The following ZFAT variants were observed in gnomAD, a reference collection of about 807,000 sequenced individuals.
The protein encoded by ZFAT is zinc finger protein ZFAT.
ZFAT carries 64 observed loss-of-function variants against 117.7 expected under a neutral mutation model. The ratio of observed to expected loss-of-function variants is 0.54; its 90% confidence interval spans 0.44 to 0.67. The LOEUF is 0.67. Among genes scored for constraint, ZFAT ranks in the 30% least tolerant of loss-of-function variants. ZFAT has a pLI of 0.00. For synonymous variants in ZFAT, 679 were observed against 615.0 expected, an observed-to-expected ratio of 1.10 and a Z score of -1.54; for missense variants, 1,433 against 1,584.5, an observed-to-expected ratio of 0.90 and a Z score of 1.62.
chr8:134,729,376 G>A, the ZFAT span, among the ~76,000 whole-genome samples: 6 of 152,226 alleles, frequency 3.9e-5, no homozygotes, highest in Non-Finnish European at 7.3e-5. Context: ...CTATCACCCA[G>A]GCTGGAGTGC....
intron 6 of ZFAT, 34 bp downstream of exon 6, chr8:134,601,443 G>A (rs1402531001): frequency 1.3e-6 from 2 of 1,568,868 alleles, no homozygotes; most frequent in Admixed American, 1.8e-5. Flanking sequence ...GATGGTTGTG[G>A]ACAGGGCCAC....
chr8:134,556,675 G>A (rs1042335704), intron 11 of ZFAT, among the ~76,000 whole-genome samples: 5 of 152,116 alleles, frequency 3.3e-5, no homozygotes, highest in Non-Finnish European at 7.4e-5. Context: ...TGTCCCCCTA[G>A]AAGTCTATGG....
chr8:134,600,165 T>C, intron 7 of ZFAT: 1 of 504,086 alleles, frequency 2.0e-6, no homozygotes, highest in Non-Finnish European at 3.5e-6. Context: ...TTCTACTCTA[T>C]AGATATCTCT....
Position 134,565,339 on chromosome 8 carries a change from G to A in ZFAT, c.2970C>T (p.Ser990=). The stretch of plus-strand genomic sequence containing the variant: ...TTCTCCAGAGCCCTCTTACCTTGAA[G>A]GAGACATGCTGTTCCATGTGCCGCA... The part of the protein sequence containing the change: ...QLLRHMEQHV[S]FKPFRCAHCH... The change falls in exon 11 of 16, where the codon TCC becomes TCT. Residue 990 remains serine (S), a synonymous_variant. Coordinates refer to ENST00000377838, the MANE Select transcript of ZFAT (RefSeq NM_020863.4). The A allele has an allele frequency of 6.2e-7, 1 of 1,613,638 alleles. No individual in the cohort carries two copies. The highest frequency in any genetic ancestry group is 1.1e-5 in the South Asian group (1 of 90,976).
intron 15 of ZFAT, among the ~76,000 whole-genome samples, chr8:134,504,715 G>T (rs773943025): frequency 1.3e-5 from 2 of 152,182 alleles, no homozygotes; most frequent in Non-Finnish European, 2.9e-5. Flanking sequence ...AAACTGCTTG[G>T]ACTCCAAGTG....
chr8:134,684,731 C>T (rs938821987), intron 1 of ZFAT, among the ~76,000 whole-genome samples: 1 of 152,160 alleles, frequency 6.6e-6, no homozygotes, highest in African/African-American at 2.4e-5. Flanking sequence ...ATTTAGATTA[C>T]GTGGGGAAAA....
At chr8:134,578,987 C>T (rs980570705) in intron 10 of ZFAT, among the ~76,000 whole-genome samples, 6 of 152,042 alleles carry the variant, frequency 3.9e-5, no homozygotes, top group African/African-American at 7.2e-5. Context: ...TTTCAAAGTT[C>T]GTAAAAATAA....
At chr8:134,750,205 A>C in the ZFAT span, among the ~76,000 whole-genome samples, 2 of 152,170 alleles carry the variant, frequency 1.3e-5, no homozygotes, top group Non-Finnish European at 2.9e-5. Flanking sequence ...ATCTTTTCAT[A>C]GATCTATTCC....
chr8:134,611,555 T>A (rs4909314), intron 3 of ZFAT, among the ~76,000 whole-genome samples: 50,538 of 151,908 alleles, frequency 0.33, 10,639 homozygotes, highest in East Asian at 0.54. Flanking sequence ...TCAATGTACA[T>A]GGAGACCAGT....
the ZFAT span, among the ~76,000 whole-genome samples, chr8:134,768,891 G>C: frequency 9.9e-5 from 15 of 152,212 alleles, no homozygotes; most frequent in Non-Finnish European, 2.1e-4. Flanking sequence ...ACAGTCCAAA[G>C]GTCGGGCATA....
chr8:134,735,792 C>A, the ZFAT span, among the ~76,000 whole-genome samples: 8 of 152,124 alleles, frequency 5.3e-5, no homozygotes, highest in Non-Finnish European at 5.9e-5. Flanking sequence ...TATACCATTT[C>A]CACCCAAGCA....
At position 134,478,373 on chromosome 8, in the gene ZFAT, C is replaced by T; in HGVS notation, c.*109G>A. ...CTATCAGGCTGCTGGGCAGGGAGGG[C>T]AAAGGAGAGCACCATTCTGCGGGTA... On this transcript the variant is annotated 3_prime_UTR_variant, in exon 16 of 16. Transcript: ENST00000377838. This position sits in a 1 kb window ranked among gnomAD's most constrained non-coding sequence, Gnocchi z 5.2. 1 of 1,454,848 alleles carries T rather than the reference C, an allele frequency of 6.9e-7. No individual in the cohort carries two copies. The highest frequency in any genetic ancestry group is 9.1e-7 in the Non-Finnish European group (1 of 1,096,920). 90.1% of individuals were successfully genotyped at this position (1,454,848 alleles called of 1,614,324 possible). A position where few individuals can be genotyped will look rare whatever the true frequency, so the allele number is the denominator to read the frequency against.
At chr8:134,603,874 G>A (rs1020842373) in intron 5 of ZFAT, among the ~76,000 whole-genome samples, 9 of 152,240 alleles carry the variant, frequency 5.9e-5, no homozygotes, top group Non-Finnish European at 1.3e-4. Context: ...AGCTCTGTCA[G>A]TAATAGAGCT....
At chr8:134,669,384 T>A (rs1832432990) in intron 1 of ZFAT, among the ~76,000 whole-genome samples, 1 of 152,116 alleles carries the variant, frequency 6.6e-6, no homozygotes, top group Non-Finnish European at 1.5e-5. Context: ...GGGAAGCCCA[T>A]CTGACTAACA....
intron 1 of ZFAT, among the ~76,000 whole-genome samples, chr8:134,710,337 G>C (rs1813944288): frequency 6.6e-6 from 1 of 152,206 alleles, no homozygotes; most frequent in South Asian, 2.1e-4. Flanking sequence ...CCTGTTACTT[G>C]CACAGGACAC....
intron 2 of ZFAT, among the ~76,000 whole-genome samples, chr8:134,649,892 G>GA (rs1831131009): frequency 1.3e-5 from 2 of 151,514 alleles, no homozygotes; most frequent in South Asian, 4.2e-4. Flanking sequence ...GGATGTAATG[G>GA]ATCACTGGGG....
chr8:134,532,887 T>A lies in ZFAT; in HGVS notation c.3062A>T (p.Glu1021Val), dbSNP rs916287459. The A allele has an allele frequency of 1.9e-6, 3 of 1,610,040 alleles. No individual in the cohort carries two copies. The highest frequency in any genetic ancestry group is 1.7e-6 in the Non-Finnish European group (2 of 1,178,266). ...RHYNRKHPNEEYANVGTGELA... is the reference protein window; with the variant it reads ...RHYNRKHPNEVYANVGTGELA... ...CTCCCCGGTGCCCACGTTGGCATAC[T>A]CCTCATTAGGGTGCTTCCTGTTGTA... The change falls in exon 12 of 16, where the codon GAG becomes GTG. Residue 1021 changes from glutamate (E) to valine (V), a missense_variant. Around this residue, in one of 5 missense-constraint regions of ZFAT, gnomAD observed 503 missense variants for 543.4 expected, o/e 0.93. Transcript: ENST00000377838.
intron 11 of ZFAT, among the ~76,000 whole-genome samples, chr8:134,535,006 T>A (rs1821727838): frequency 6.6e-6 from 1 of 152,154 alleles, no homozygotes; most frequent in African/African-American, 2.4e-5. Context: ...CTCATGCTCC[T>A]CCATCCTATC....
chr8:134,610,130 C>G (rs145908098), intron 4 of ZFAT, among the ~76,000 whole-genome samples: 140 of 152,260 alleles, frequency 9.2e-4, no homozygotes, highest in African/African-American at 3.1e-3. Flanking sequence ...TGGCTGAGAG[C>G]AGGAGGGGAA....
Sources: gnomAD v4.1 joint callset for allele counts (sites outside exome capture counted in the v4.1 genomes callset) on GRCh38, gnomAD v4.1.1 for gene constraint, gnomAD v4.1.1 regional missense constraint, Gnocchi (gnomAD v3.1) non-coding constraint, MANE v1.5 for transcripts, NCBI Gene and HGNC (gene_info 2026-07-23, HGNC 2026-07-21) for gene names.